The following RBFOX1 variants were observed in gnomAD, a reference collection of about 807,000 sequenced individuals.
RBFOX1 encodes RNA binding protein fox-1 homolog 1.
RBFOX1 carries 8 observed loss-of-function variants against 57.7 expected under a neutral mutation model. The observed-to-expected ratio is 0.14, with a 90% CI of 0.08 to 0.25. RBFOX1 has a LOEUF of 0.25. Among genes scored for constraint, RBFOX1 ranks in the 10% least tolerant of loss-of-function variants. The pLI is 1.00. For synonymous variants in RBFOX1, 326 were observed against 222.4 expected, an observed-to-expected ratio of 1.47 and a Z score of -4.15; for missense variants, 611 against 548.5, an observed-to-expected ratio of 1.11 and a Z score of -1.14.
intron 4 of RBFOX1, among the ~76,000 whole-genome samples, chr16:7,078,530 G>T (rs143969277): frequency 0.01 from 1,524 of 151,178 alleles, 30 homozygotes; most frequent in African/African-American, 0.035. Context: ...GTATTTTTAG[G>T]AGAGTCAGGG....
In RBFOX1 at chr16:5,571,540, T is replaced by G. The variant is rs201490142; in HGVS notation, c.259-27362T>G. ...CAGCATTCCACTGAAGGCTGTACCA[T>G]CAAACAACAAACTGTTTATCATGAA... On this transcript the variant is annotated intron_variant, in intron 2 of 2. Transcript: ENST00000585867. 1.3e-4 allele frequency among the ~76,000 whole-genome samples: 20 copies of G among 152,190 alleles called. No individual in the cohort carries two copies. The East Asian group carries it at 3.7e-3, about 28-fold the overall frequency.
At chr16:7,104,219 G>A (rs1322990956) in intron 4 of RBFOX1, among the ~76,000 whole-genome samples, 2 of 152,090 alleles carry the variant, frequency 1.3e-5, no homozygotes, top group African/African-American at 4.8e-5. Context: ...TGGAACTACT[G>A]AAAACTGCAG....
intron 1 of RBFOX1, among the ~76,000 whole-genome samples, chr16:5,276,642 G>T (rs1039281429): frequency 6.6e-6 from 1 of 152,170 alleles, no homozygotes; most frequent in Admixed American, 6.5e-5. Flanking sequence ...AATTAGCCGG[G>T]CATGGTGGCG....
chr16:6,895,203 T>C (rs2066462990), intron 3 of RBFOX1, among the ~76,000 whole-genome samples: 1 of 151,884 alleles, frequency 6.6e-6, no homozygotes, highest in Non-Finnish European at 1.5e-5. Flanking sequence ...TTCTAGGAAT[T>C]AAAGAACAAG....
chr16:5,264,596 A>G (rs1179661611), intron 1 of RBFOX1, among the ~76,000 whole-genome samples: 1 of 152,006 alleles, frequency 6.6e-6, no homozygotes, highest in Non-Finnish European at 1.5e-5. Flanking sequence ...TTGTATTTGC[A>G]TTTTTTCTCT....
intron 1 of RBFOX1, among the ~76,000 whole-genome samples, chr16:5,453,728 C>G (rs922671763): frequency 5.3e-5 from 8 of 152,182 alleles, no homozygotes; most frequent in Non-Finnish European, 7.3e-5. Flanking sequence ...AGACCAGGTG[C>G]AAAACACCAG....
intron 4 of RBFOX1, among the ~76,000 whole-genome samples, chr16:7,474,471 T>G (rs761868767): frequency 1.3e-5 from 2 of 152,216 alleles, no homozygotes; most frequent in Non-Finnish European, 2.9e-5. Flanking sequence ...TTTGGTGAAT[T>G]TAATGAGACT....
chr16:6,773,176 G>GTA (rs1289136014), intron 3 of RBFOX1, among the ~76,000 whole-genome samples: 1 of 98,948 alleles, frequency 1.0e-5, no homozygotes, highest in African/African-American at 4.8e-5. Context: ...GCATTTGTGT[G>GTA]TGTGTGTGTG....
intron 14 of RBFOX1, among the ~76,000 whole-genome samples, chr16:7,702,407 A>T (rs972727532): frequency 6.6e-5 from 10 of 152,180 alleles, no homozygotes; most frequent in African/African-American, 1.9e-4. Context: ...TTGCCAAGAG[A>T]TTTGTCAGAA....
intron 3 of RBFOX1, among the ~76,000 whole-genome samples, chr16:6,660,289 G>T (rs1231426847): frequency 6.6e-6 from 1 of 151,708 alleles, no homozygotes; most frequent in Non-Finnish European, 1.5e-5. Context: ...GCTAATGCAT[G>T]CTGGGCTTAA....
At chr16:6,126,814 G>A (rs1042761910) in intron 1 of RBFOX1, among the ~76,000 whole-genome samples, 7 of 152,090 alleles carry the variant, frequency 4.6e-5, no homozygotes, top group African/African-American at 1.7e-4. Context: ...AGGAGCTGGA[G>A]GAAGGAAAAG....
intron 2 of RBFOX1, among the ~76,000 whole-genome samples, chr16:6,575,684 ACTGT>A (rs1351682065): frequency 1.3e-5 from 2 of 151,964 alleles, no homozygotes; most frequent in African/African-American, 4.8e-5. Context: ...GTGGTGAAAC[ACTGT>A]CTGTACTAAA....
intron 14 of RBFOX1, among the ~76,000 whole-genome samples, chr16:7,694,782 G>T (rs978801257): frequency 6.6e-6 from 1 of 152,148 alleles, no homozygotes; most frequent in Admixed American, 6.6e-5. Flanking sequence ...AATGGAGCAT[G>T]AAACAAAAGG....
chr16:6,505,305 T>G (rs368998175), intron 2 of RBFOX1, among the ~76,000 whole-genome samples: 11 of 152,274 alleles, frequency 7.2e-5, no homozygotes, highest in African/African-American at 2.6e-4. Flanking sequence ...CACCCTGATA[T>G]TCATCACTCA....
At chr16:6,503,796 C>G (rs1038784985) in intron 2 of RBFOX1, among the ~76,000 whole-genome samples, 4 of 152,138 alleles carry the variant, frequency 2.6e-5, no homozygotes, top group Non-Finnish European at 1.5e-5. Context: ...AAGCTTCACA[C>G]TCACCTGGAA....
At chr16:7,206,717 C>G (rs1168939718) in intron 4 of RBFOX1, among the ~76,000 whole-genome samples, 1 of 152,052 alleles carries the variant, frequency 6.6e-6, no homozygotes, top group Non-Finnish European at 1.5e-5. Flanking sequence ...AAGTGACAAA[C>G]AGATGCCGAC....
At chr16:5,383,834 AAG>A (rs2066191423) in intron 1 of RBFOX1, among the ~76,000 whole-genome samples, 1 of 152,224 alleles carries the variant, frequency 6.6e-6, no homozygotes, top group Non-Finnish European at 1.5e-5. Flanking sequence ...TTTAGTAGAA[AAG>A]AGAGTTTATT....
intron 4 of RBFOX1, among the ~76,000 whole-genome samples, chr16:7,256,930 A>T (rs772256141): frequency 6.6e-6 from 1 of 152,082 alleles, no homozygotes; most frequent in African/African-American, 2.4e-5. Context: ...CCCTGACCAC[A>T]TGGGAAACAG....
At chr16:7,228,825 T>G (rs751357682) in intron 4 of RBFOX1, among the ~76,000 whole-genome samples, 6 of 152,216 alleles carry the variant, frequency 3.9e-5, no homozygotes, top group Non-Finnish European at 7.3e-5. Context: ...ATCTCTCGGT[T>G]CTAACTTCAC....
Sources: gnomAD v4.1 joint callset for allele counts (sites outside exome capture counted in the v4.1 genomes callset) on GRCh38, gnomAD v4.1.1 for gene constraint, MANE v1.5 for transcripts, NCBI Gene and HGNC (gene_info 2026-07-23, HGNC 2026-07-21) for gene names.